The following MTM1 variants were observed in gnomAD, a reference collection of about 807,000 sequenced individuals.
MTM1 encodes the protein myotubularin 1.
MTM1 carries 9 observed loss-of-function variants against 52.1 expected under a neutral mutation model. The ratio of observed to expected loss-of-function variants is 0.17; its 90% CI spans 0.10 to 0.30. The LOEUF (loss-of-function observed/expected upper bound fraction) is 0.30, where lower values mean the gene tolerates loss of function less well. MTM1 is among the 10% of genes least tolerant of loss of function. The pLI is 1.00. For synonymous variants in MTM1, 136 were observed against 163.8 expected (o/e 0.83, Z 1.29); for missense variants, 277 against 470.7 (o/e 0.59, Z 3.81).
At chrX:150,618,946 G>A in intron 5 of MTM1, 92 bp from the exon 6 acceptor site, 1 of 666,860 alleles carries the variant, frequency 1.5e-6, no homozygotes. Context: ...TTAGGTAAGT[G>A]AATCTTCTCC....
intron 11 of MTM1, among the ~76,000 whole-genome samples, chrX:150,658,746 C>A (rs2040170191): frequency 1.8e-5 from 2 of 111,878 alleles, no homozygotes; most frequent in Non-Finnish European, 3.8e-5. Flanking sequence ...TGTAGGCTAC[C>A]CTTTCAGAAA....
chrX:150,602,572 T>C (rs782646445), intron 4 of MTM1, among the ~76,000 whole-genome samples: 2 of 112,213 alleles, frequency 1.8e-5, no homozygotes, highest in Non-Finnish European at 3.8e-5. Flanking sequence ...TCCTGCTACA[T>C]TGTGGCATCT....
intron 5 of MTM1, among the ~76,000 whole-genome samples, chrX:150,615,801 C>T (rs1337402757): frequency 8.9e-6 from 1 of 111,967 alleles, no homozygotes; most frequent in African/African-American, 3.2e-5. Flanking sequence ...AGGATAATGC[C>T]ATTATTAAAT....
chrX:150,593,996 A>C (rs1278612977), intron 2 of MTM1, among the ~76,000 whole-genome samples: 2 of 110,699 alleles, frequency 1.8e-5, no homozygotes, highest in Non-Finnish European at 3.8e-5. Flanking sequence ...GTTTGTTATT[A>C]GTTTGCATTT....
At chrX:150,597,055 A>T (rs1426068472) in intron 3 of MTM1, 1 of 125,556 alleles carries the variant, frequency 8.0e-6, no homozygotes, top group Non-Finnish European at 1.6e-5. Flanking sequence ...ATTTTTCATG[A>T]TAAACGTATA....
intron 8 of MTM1, among the ~76,000 whole-genome samples, chrX:150,643,125 T>A (rs782059951): frequency 5.1e-4 from 57 of 111,598 alleles, no homozygotes; most frequent in Non-Finnish European, 7.5e-5. Flanking sequence ...TGGCTAAGTC[T>A]CAGAGCTTTG....
intron 8 of MTM1, among the ~76,000 whole-genome samples, chrX:150,644,002 A>T (rs954256571): frequency 3.6e-5 from 4 of 111,055 alleles, no homozygotes; most frequent in Non-Finnish European, 7.6e-5. Context: ...AACTCAGAGG[A>T]GTAGCATTTC....
rs192788655 is a variant in MTM1 at position 150,616,202 on chromosome X, C to T, written c.342+1503C>T. Among the ~76,000 whole-genome samples the T allele has an allele frequency of 3.7e-3, 413 of 111,970 alleles. 3 individuals carry two copies. Among genetic ancestry groups the T allele is most frequent in the Non-Finnish European group, 6.3e-3 (333 of 53,193 alleles). On this transcript the variant is annotated intron_variant, in intron 5 of 14. Coordinates refer to ENST00000370396, the MANE Select transcript of MTM1 (RefSeq NM_000252.3). ...GAACAAAAGGCGTAGGAACAACTCA[C>T]CAAGCATAATTCTGAAATGTTACAT... is the stretch of plus-strand genomic sequence containing the variant.
chrX:150,615,538 C>G (rs1557413113), intron 5 of MTM1, among the ~76,000 whole-genome samples: 1 of 110,655 alleles, frequency 9.0e-6, no homozygotes, highest in East Asian at 2.8e-4. Context: ...AGTTTGCTGG[C>G]CCCTGGCCAA....
At chrX:150,634,702 A>T (rs989946177) in intron 6 of MTM1, among the ~76,000 whole-genome samples, 6 of 111,693 alleles carry the variant, frequency 5.4e-5, no homozygotes, top group Non-Finnish European at 9.4e-5. Context: ...TATAGAGCAA[A>T]ATTAAGGAAG....
At chrX:150,667,927 A>G (rs2040330677) in intron 14 of MTM1, among the ~76,000 whole-genome samples, 1 of 112,457 alleles carries the variant, frequency 8.9e-6, no homozygotes, top group African/African-American at 3.2e-5. Context: ...GAATGTGACC[A>G]TATTTGGGAA....
chrX:150,618,942 A>G lies in MTM1; in HGVS notation c.343-96A>G, dbSNP rs1268668608. On this transcript the variant is annotated intron_variant, in intron 5 of 14. Coordinates refer to ENST00000370396, the MANE Select transcript of MTM1 (RefSeq NM_000252.3). ...ATTTAGATTAATTGCCCTTTTAGGT[A>G]AGTGAATCTTCTCCCTTAATTGAAT... The G allele has an allele frequency of 7.8e-6, 5 of 638,802 alleles. No individual in the cohort carries two copies. In the African/African-American group the frequency reaches 8.6e-5, roughly 11 times the overall value. 52.6% of individuals were successfully genotyped at this position (638,802 alleles called of 1,213,427 possible).
In MTM1 at chrX:150,671,476, G is replaced by A. The variant is rs2040395343; in HGVS notation, c.1693G>A (p.Asp565Asn). 1.7e-6 allele frequency: 2 copies of A among 1,208,753 alleles called. No homozygotes were observed. Among genetic ancestry groups the A allele is most frequent in the South Asian group, 1.8e-5 (1 of 56,750 alleles). The change falls in exon 15 of 15, where the codon GAC becomes AAC. Residue 565 changes from aspartate to asparagine, a missense_variant. By Grantham distance (23) the Asp-to-Asn change is conservative (BLOSUM62 1). Coordinates refer to ENST00000370396, the MANE Select transcript of MTM1 (RefSeq NM_000252.3). ...TTACATGGAGCTCTTAGCCTTACGC[G>A]ACGAATACATAAAGCGGCTTGAGGA... ...QRYMELLALR[D>N]EYIKRLEELQ... is the part of the protein sequence containing the mutation.
upstream of MTM1, among the ~76,000 whole-genome samples, chrX:150,563,567 C>T (rs782577032): frequency 1.6e-4 from 17 of 103,920 alleles, no homozygotes; most frequent in African/African-American, 5.9e-4. Flanking sequence ...CTTGCCTCGG[C>T]CTCCCAAAGT....
chrX:150,638,570 AATTTT>A (rs2039792168), intron 6 of MTM1, among the ~76,000 whole-genome samples: 1 of 111,514 alleles, frequency 9.0e-6, no homozygotes, highest in African/African-American at 3.3e-5. Flanking sequence ...ATAATTCCTG[AATTTT>A]ATTTTTCTTC....
chrX:150,582,634 A>G (rs1018786233), intron 1 of MTM1, among the ~76,000 whole-genome samples: 1 of 111,342 alleles, frequency 9.0e-6, no homozygotes, highest in Non-Finnish European at 1.9e-5. Flanking sequence ...ACAGACACAC[A>G]GGGAGAAAGC....
At chrX:150,612,137 G>A (rs2039291611) in intron 4 of MTM1, among the ~76,000 whole-genome samples, 1 of 108,624 alleles carries the variant, frequency 9.2e-6, no homozygotes, top group Non-Finnish European at 1.9e-5. Context: ...TTGAGGCTGT[G>A]TTGAGATCAC....
At chrX:150,626,522 A>G (rs2039572628) in intron 6 of MTM1, among the ~76,000 whole-genome samples, 1 of 110,681 alleles carries the variant, frequency 9.0e-6, no homozygotes, top group Admixed American at 9.6e-5. Context: ...CCATGTTAAG[A>G]TGGTCTCAAT....
Position 150,671,394 on chromosome X carries a change from A to T in MTM1, c.1645-34A>T, listed in dbSNP as rs782153380. On this transcript the variant is annotated intron_variant, in intron 14 of 14. Transcript: ENST00000370396. The stretch of plus-strand genomic sequence containing the variant: ...CGTGAGTTCTCATGACGTGCGTGGC[A>T]TAAAGTGTAACTCAAGTCTCTGGTT... 57 of 1,207,361 alleles carry T rather than the reference A, an allele frequency of 4.7e-5. No homozygotes were observed. In the East Asian group the frequency reaches 5.9e-4, roughly 13 times the overall value.
Sources: allele counts gnomAD v4.1 joint callset (sites outside exome capture counted in the v4.1 genomes callset), GRCh38; gene constraint gnomAD v4.1.1; transcripts MANE v1.5; gene names NCBI Gene and HGNC (gene_info 2026-07-23, HGNC 2026-07-21).